SARDH: variants seen among roughly 807,000 people sequenced by gnomAD.
SARDH encodes sarcosine dehydrogenase, mitochondrial.
SARDH carries 95 observed loss-of-function variants against 109.1 expected under a neutral mutation model. That is an observed-to-expected ratio of 0.87 (90% CI 0.74 to 1.03). The LOEUF is 1.03. SARDH is among the 50% of genes least tolerant of loss of function. The pLI is 0.00. For missense variants in SARDH, 1,267 were observed against 1,287.8 expected (o/e 0.98, Z 0.25); for synonymous variants, 572 against 534.8 (o/e 1.07, Z -0.96).
At chr9:133,670,185 T>C (rs1459960909) in intron 19 of SARDH, among the ~76,000 whole-genome samples, 1 of 152,034 alleles carries the variant, frequency 6.6e-6, no homozygotes. Flanking sequence ...AAAAATTAGC[T>C]GGGTGTGGTA....
intron 1 of SARDH, among the ~76,000 whole-genome samples, chr9:133,734,852 T>C (rs1588462737): frequency 6.6e-6 from 1 of 152,286 alleles, no homozygotes; most frequent in South Asian, 2.1e-4. Context: ...GAGAGCCCTT[T>C]CGGAGCTCAA....
intron 12 of SARDH, 154 bp from the exon 13 acceptor site, chr9:133,703,183 A>C: frequency 1.5e-6 from 1 of 670,372 alleles, no homozygotes; most frequent in South Asian, 1.8e-5. Flanking sequence ...GGACGCGGGC[A>C]GGGGGCCCCC....
In SARDH at chr9:133,666,212, T is replaced by C. The variant is rs1303317452; in HGVS notation, c.2631+523A>G. 6.6e-6 allele frequency among the ~76,000 whole-genome samples: 1 copy of C among 150,726 alleles called. No homozygotes were observed. The highest frequency in any genetic ancestry group is 1.5e-5 in the Non-Finnish European group (1 of 67,916). On this transcript the variant is annotated intron_variant, in intron 20 of 20. Coordinates refer to ENST00000439388, the MANE Select transcript of SARDH (RefSeq NM_001134707.2). This position sits in a 1 kb window ranked among gnomAD's most constrained non-coding sequence, Gnocchi z 5.2. ...GTGTCGGGGGTGAGGAAAGAGAGGA[T>C]AGGAACATGGGTCTCTGAGTCTCTA... is the stretch of plus-strand genomic sequence containing the variant.
rs1315983050 is a variant in SARDH, at chr9:133,686,190, C to A, written c.2070-904G>T. ...AGCTCTGCGAGGGTGGGGATTCGCT[C>A]CCCACTTTCCCTGCTCCGTGGTACC... is the stretch of plus-strand genomic sequence containing the variant. On this transcript the variant is annotated intron_variant, in intron 16 of 20. Transcript: ENST00000439388. This position sits in a 1 kb window ranked among gnomAD's most constrained non-coding sequence, Gnocchi z 4.0. 6.6e-6 allele frequency among the ~76,000 whole-genome samples: 1 copy of A among 152,030 alleles called. No homozygotes were observed. Among genetic ancestry groups the A allele is most frequent in the East Asian group, 1.9e-4 (1 of 5,178 alleles).
intron 13 of SARDH, among the ~76,000 whole-genome samples, chr9:133,697,369 T>C (rs1292167794): frequency 1.3e-5 from 2 of 152,182 alleles, no homozygotes; most frequent in Non-Finnish European, 2.9e-5. Flanking sequence ...CTAATACCCA[T>C]TTTTCCCAAA....
intron 17 of SARDH, among the ~76,000 whole-genome samples, chr9:133,679,086 A>G (rs993491339): frequency 4.6e-5 from 7 of 152,084 alleles, no homozygotes; most frequent in Non-Finnish European, 8.8e-5. Context: ...CCCACTCCAC[A>G]AACACCCTCG....
intron 6 of SARDH, among the ~76,000 whole-genome samples, chr9:133,724,511 C>T (rs2131484482): frequency 6.6e-6 from 1 of 152,218 alleles, no homozygotes; most frequent in Non-Finnish European, 1.5e-5. Flanking sequence ...CAAAAAATAA[C>T]AAGACTTGGT....
At chr9:133,727,532 C>T (rs1832533967) in intron 6 of SARDH, among the ~76,000 whole-genome samples, 1 of 152,242 alleles carries the variant, frequency 6.6e-6, no homozygotes, top group Non-Finnish European at 1.5e-5. Context: ...AGGTCAGGGC[C>T]AGCGGCCTGG....
intron 15 of SARDH, among the ~76,000 whole-genome samples, chr9:133,691,838 C>T (rs925852334): frequency 3.9e-5 from 6 of 152,126 alleles, no homozygotes; most frequent in Admixed American, 3.9e-4. Flanking sequence ...TGGTTTTCTC[C>T]TGTTGAGTGG....
intron 17 of SARDH, among the ~76,000 whole-genome samples, chr9:133,677,033 G>A (rs1438276223): frequency 6.6e-6 from 1 of 152,034 alleles, no homozygotes; most frequent in Non-Finnish European, 1.5e-5. Context: ...CAGCTACTTG[G>A]GAGGCTGAGG....
rs758855599 is a variant in SARDH, at chr9:133,706,363, T to C, written c.1471-1332A>G. On this transcript the variant is annotated intron_variant, in intron 11 of 20. Transcript: ENST00000439388. ...GAATGAAGCCAGACACAAAAGGTCATGTATTGGATGATTCCAGCATATGAA... is the reference window on the plus strand; with the variant it reads ...GAATGAAGCCAGACACAAAAGGTCACGTATTGGATGATTCCAGCATATGAA... Among the ~76,000 whole-genome samples the C allele has an allele frequency of 3.9e-5, 6 of 152,300 alleles. No individual in the cohort carries two copies. The South Asian group carries it at 6.2e-4, about 16-fold the overall frequency.
chr9:133,697,851 A>G (rs1831338495), intron 13 of SARDH, among the ~76,000 whole-genome samples: 1 of 152,152 alleles, frequency 6.6e-6, no homozygotes, highest in Non-Finnish European at 1.5e-5. Flanking sequence ...AGGGGGGTCC[A>G]TTCTTGCCAC....
At chr9:133,684,941 G>A (rs985319748) in intron 17 of SARDH, among the ~76,000 whole-genome samples, 18 of 152,204 alleles carry the variant, frequency 1.2e-4, no homozygotes, top group African/African-American at 4.1e-4. Flanking sequence ...CCCTGGGACT[G>A]AGTCCCTGGC....
intron 20 of SARDH, among the ~76,000 whole-genome samples, chr9:133,664,559 G>A (rs989669479): frequency 9.2e-5 from 14 of 152,184 alleles, no homozygotes; most frequent in African/African-American, 3.1e-4. Flanking sequence ...CTCCAGCCTG[G>A]CACAGCTGGT....
Position 133,671,596 on chromosome 9 carries a change from A to AC in SARDH, c.2264dup (p.Ala756CysfsTer19). The AC allele has an allele frequency of 6.2e-7, 1 of 1,604,924 alleles. No homozygotes were observed. The highest frequency in any genetic ancestry group is 1.7e-5 in the Admixed American group (1 of 59,118). On this transcript the variant is annotated frameshift_variant, in exon 18 of 21. Transcript: ENST00000439388. LOFTEE classifies it high-confidence loss of function. ...CTGCGTTGATGAGGCCGTGCTTGGC[A>AC]CCCGCGGCCATCACAGCCCGGTACA...
chr9:133,669,390 C>T, intron 19 of SARDH, among the ~76,000 whole-genome samples: 1 of 143,050 alleles, frequency 7.0e-6, no homozygotes, highest in Non-Finnish European at 1.5e-5. Context: ...CTCCAGAAAT[C>T]TGGGAGAAGT....
rs767382977 is a variant in SARDH, at chr9:133,720,894, T to C, written c.916-1852A>G. On this transcript the variant is annotated intron_variant, in intron 6 of 20. Coordinates refer to ENST00000439388, the MANE Select transcript of SARDH (RefSeq NM_001134707.2). ...AATCTAAGATGAAGAAAGAGGTCTT[T>C]AAATGAGATATGATAGTCAAAATTT... Among the ~76,000 whole-genome samples, 12 of 152,276 alleles carry C rather than the reference T, an allele frequency of 7.9e-5. 1 individual carries two copies. Among genetic ancestry groups the C allele is most frequent in the African/African-American group, 2.2e-4 (9 of 41,558 alleles).
rs1000587844 is a variant in SARDH, at chr9:133,709,992, G to A, written c.1329-1564C>T. 9.2e-5 allele frequency among the ~76,000 whole-genome samples: 14 copies of A among 152,178 alleles called. No individual in the cohort carries two copies. Among genetic ancestry groups the A allele is most frequent in the Non-Finnish European group, 1.9e-4 (13 of 68,040 alleles). ...GTGCACGTCGGGTGGCAGGAGCAGC[G>A]AGTGACCTACAGAGTCCCAGCTGCC... On this transcript the variant is annotated intron_variant, in intron 10 of 20. Transcript: ENST00000439388. The surrounding 1 kb of genome is among the most constrained non-coding windows in gnomAD (Gnocchi z 4.2).
chr9:133,665,091 G>A (rs1830016353), intron 20 of SARDH, among the ~76,000 whole-genome samples: 1 of 143,374 alleles, frequency 7.0e-6, no homozygotes, highest in Non-Finnish European at 1.5e-5. Context: ...TGTAGCATTT[G>A]CCCATTTCCA....
Sources: gnomAD v4.1 joint callset for allele counts (sites outside exome capture counted in the v4.1 genomes callset) on GRCh38, gnomAD v4.1.1 for gene constraint, Gnocchi (gnomAD v3.1) non-coding constraint, MANE v1.5 for transcripts, NCBI Gene and HGNC (gene_info 2026-07-23, HGNC 2026-07-21) for gene names.